Variants in C8orf76 observed in about 807,000 individuals in gnomAD.
C8orf76 encodes chromosome 8 open reading frame 76.
A neutral mutation model predicts 38.1 loss-of-function variants in C8orf76; 46 were observed. That is an observed-to-expected ratio of 1.21 (90% CI 0.95 to 1.54). The LOEUF is 1.54. Ranked by LOEUF, C8orf76 falls within the 40% of genes most tolerant of loss-of-function variation. The probability of loss-of-function intolerance (pLI) is 0.00; values close to 1 mark genes in which losing one functional copy is unlikely to be tolerated. For synonymous variants in C8orf76, 166 were observed against 167.5 expected, an observed-to-expected ratio of 0.99 and a Z score of 0.07; for missense variants, 461 against 441.6, an observed-to-expected ratio of 1.04 and a Z score of -0.39.
chr8:123,237,037 C>G lies in C8orf76; in HGVS notation c.357+761G>C. ...ACATCCAGAAGGAGTCCACCCTGCA[C>G]CTGGTGCTGCGCCTGCGAGGTGGCA... On this transcript the variant is annotated intron_variant, in intron 3 of 5. Coordinates refer to ENST00000276704, the MANE Select transcript of C8orf76 (RefSeq NM_032847.3). The G allele has an allele frequency of 4.3e-6, 6 of 1,390,238 alleles. No individual in the cohort carries two copies. The South Asian group carries it at 6.9e-5, about 16-fold the overall frequency. The allele number at this position is 1,390,238 out of a possible 1,614,324, so 86.1% of individuals were successfully genotyped here. A position where few individuals can be genotyped will look rare whatever the true frequency, so the allele number is the denominator to read the frequency against.
At position 123,221,935 on chromosome 8, in the gene C8orf76, G is replaced by A. The variant is rs1824903557; in HGVS notation, c.949-1638C>T. ...AAAAAAAATTTTAAAAAATGTATTT[G>A]ATAACCACTGGAGTGAGGCTCTATG... On this transcript the variant is annotated intron_variant, in intron 5 of 5. Transcript: ENST00000276704. 6.6e-5 allele frequency among the ~76,000 whole-genome samples: 10 copies of A among 152,240 alleles called. No homozygotes were observed. In the South Asian group the frequency reaches 2.1e-3, roughly 32 times the overall value.
intron 5 of C8orf76, among the ~76,000 whole-genome samples, chr8:123,223,351 T>G (rs1330547170): frequency 6.6e-6 from 1 of 152,258 alleles, no homozygotes; most frequent in Non-Finnish European, 1.5e-5. Context: ...CTCATGCCTG[T>G]AATCCCAGCA....
At chr8:123,222,506 A>G (rs1227920807) in intron 5 of C8orf76, among the ~76,000 whole-genome samples, 1 of 152,246 alleles carries the variant, frequency 6.6e-6, no homozygotes, top group Non-Finnish European at 1.5e-5. Flanking sequence ...CTGCCAAAAC[A>G]TTCAGCCACA....
chr8:123,223,362 C>A (rs1285948792), intron 5 of C8orf76, among the ~76,000 whole-genome samples: 2 of 152,166 alleles, frequency 1.3e-5, no homozygotes, highest in Admixed American at 6.5e-5. Flanking sequence ...AATCCCAGCA[C>A]TTTGGGAGGC....
At chr8:123,223,087 C>A (rs1166468066) in intron 5 of C8orf76, among the ~76,000 whole-genome samples, 1 of 152,170 alleles carries the variant, frequency 6.6e-6, no homozygotes, top group Non-Finnish European at 1.5e-5. Flanking sequence ...ATGTTCAACA[C>A]AGGGAACTAA....
At chr8:123,231,253 T>C (rs1364402741) in intron 4 of C8orf76, 47 bp downstream of exon 4, 1 of 1,536,294 alleles carries the variant, frequency 6.5e-7, no homozygotes, top group South Asian at 1.3e-5. Flanking sequence ...ATAAAGCCTT[T>C]ACTCTGAGCT....
chr8:123,239,247 A>G, intron 1 of C8orf76, 103 bp from the exon 2 acceptor site: 1 of 1,285,782 alleles, frequency 7.8e-7, no homozygotes, highest in East Asian at 2.5e-5. Context: ...TCAAAAAAAG[A>G]CTTCTTCAAG....
At chr8:123,235,371 T>C (rs1040577183) in intron 3 of C8orf76, among the ~76,000 whole-genome samples, 2 of 152,088 alleles carry the variant, frequency 1.3e-5, no homozygotes, top group Non-Finnish European at 2.9e-5. Context: ...CAGGTCCCCC[T>C]ACAGAATGTG....
intron 1 of C8orf76, among the ~76,000 whole-genome samples, chr8:123,240,675 A>C (rs1049662159): frequency 6.6e-6 from 1 of 152,252 alleles, no homozygotes; most frequent in African/African-American, 2.4e-5. Context: ...AAGTGCTTTA[A>C]GTAGAAGCTA....
chr8:123,237,918 A>G lies in C8orf76; in HGVS notation c.237T>C (p.Ser79=). ...TGGTTGATGACAATTTTTCAGAGAT[A>G]CTGGAATACTCCTGCAGTGCTTTCT... The part of the protein sequence containing the change: ...EYQKALQEYS[S]ISEKLSSTNF... The change falls in exon 3 of 6, where the codon AGT becomes AGC. Residue 79 remains serine, a synonymous_variant. Transcript: ENST00000276704. 1 of 1,613,976 alleles carries G rather than the reference A, an allele frequency of 6.2e-7. No homozygotes were observed. The highest frequency in any genetic ancestry group is 8.5e-7 in the Non-Finnish European group (1 of 1,179,956).
At chr8:123,227,829 TTCAGAAA>T (rs746614700) in intron 4 of C8orf76, among the ~76,000 whole-genome samples, 1 of 152,114 alleles carries the variant, frequency 6.6e-6, no homozygotes, top group Non-Finnish European at 1.5e-5. Context: ...ATCCGGGCGT[TTCAGAAA>T]GGAGCCTGAC....
intron 3 of C8orf76, among the ~76,000 whole-genome samples, chr8:123,235,830 G>A (rs558368577): frequency 3.4e-4 from 52 of 152,172 alleles, no homozygotes; most frequent in African/African-American, 1.0e-3. Flanking sequence ...AATCAAAGAG[G>A]AGGAGGAGGA....
In C8orf76 at chr8:123,239,093, TGA is replaced by T. The variant is rs1335162052; in HGVS notation, c.167_168del (p.Leu56GlnfsTer26). On this transcript the variant is annotated frameshift_variant, in exon 2 of 6. Transcript: ENST00000276704. LOFTEE classifies it high-confidence loss of function. ...ESSDDVEVLT[L>X]KKFKGDLAYR... ...TAGGCCAGGTCTCCTTTGAATTTCT[TGA>T]GAGTCAGCACTTCAACATCATCACT... 3.1e-6 allele frequency: 5 copies of T among 1,614,172 alleles called. No individual in the cohort carries two copies. Among genetic ancestry groups the T allele is most frequent in the Non-Finnish European group, 4.2e-6 (5 of 1,180,016 alleles).
At chr8:123,234,403 G>C (rs999549237) in intron 3 of C8orf76, among the ~76,000 whole-genome samples, 2 of 152,170 alleles carry the variant, frequency 1.3e-5, no homozygotes, top group African/African-American at 4.8e-5. Context: ...GGGAAGCCGA[G>C]GTGGGCAGAT....
At position 123,239,080 on chromosome 8, in the gene C8orf76, C is replaced by T. The variant is rs750691700; in HGVS notation, c.182G>A (p.Gly61Glu). 4 of 1,614,028 alleles carry T rather than the reference C, an allele frequency of 2.5e-6. No homozygotes were observed. The African/African-American group carries it at 5.3e-5, about 22-fold the overall frequency. The change falls in exon 2 of 6, where the codon GGA becomes GAA. Residue 61 changes from glycine (G) to glutamate (E), a missense_variant. By Grantham distance (98) the Gly-to-Glu change is moderately conservative. Transcript: ENST00000276704. Reference protein sequence around the residue: ...VEVLTLKKFKGDLAYRRQEYQ... With the variant: ...VEVLTLKKFKEDLAYRRQEYQ... ...CTCTTGTCGTCTGTAGGCCAGGTCT[C>T]CTTTGAATTTCTTGAGAGTCAGCAC...
Position 123,237,840 on chromosome 8 carries a change from G to A in C8orf76, c.315C>T (p.His105=). 1 of 1,613,958 alleles carries A rather than the reference G, an allele frequency of 6.2e-7. No homozygotes were observed. The highest frequency in any genetic ancestry group is 8.5e-7 in the Non-Finnish European group (1 of 1,179,974). Residue 105 remains histidine (H), a synonymous_variant, in exon 3 of 6, where the codon CAC becomes CAT. Coordinates refer to ENST00000276704, the MANE Select transcript of C8orf76 (RefSeq NM_032847.3). ...CCAGCGCCTCCATATGCCTACCCAGGTGAGCCAGACACCGAGCCTGACCTT... is the reference window on the plus strand; with the variant it reads ...CCAGCGCCTCCATATGCCTACCCAGATGAGCCAGACACCGAGCCTGACCTT... ...VQEGQARCLA[H]LGRHMEALEI... is the part of the protein sequence containing the mutation.
At chr8:123,232,826 A>G (rs969558959) in intron 3 of C8orf76, among the ~76,000 whole-genome samples, 2 of 152,200 alleles carry the variant, frequency 1.3e-5, no homozygotes, top group Admixed American at 6.5e-5. Context: ...TAGCTCCATA[A>G]GAGCTTTTGT....
rs1292228063 is a variant in C8orf76 at position 123,231,024 on chromosome 8, G to A, written c.815+276C>T. Among the ~76,000 whole-genome samples the A allele has an allele frequency of 3.3e-5, 5 of 151,942 alleles. No homozygotes were observed. The East Asian group carries it at 7.7e-4, about 23-fold the overall frequency. On this transcript the variant is annotated intron_variant, in intron 4 of 5. Transcript: ENST00000276704. ...TGTTGCTCAGGCTGGTCTCAAATTC[G>A]TGAGCTCAAACGATCCACCTGCCTC...
intron 3 of C8orf76, among the ~76,000 whole-genome samples, chr8:123,234,919 A>C (rs1216040985): frequency 6.6e-6 from 1 of 150,680 alleles, no homozygotes; most frequent in African/African-American, 2.4e-5. Context: ...CCAAGATCGC[A>C]CCACTGCACT....
Sources: allele counts gnomAD v4.1 joint callset (sites outside exome capture counted in the v4.1 genomes callset), GRCh38; gene constraint gnomAD v4.1.1; transcripts MANE v1.5; gene names NCBI Gene and HGNC (gene_info 2026-07-23, HGNC 2026-07-21).